Variants in KLF13 observed in about 807,000 individuals in gnomAD.
KLF13 encodes Krueppel-like factor 13.
A neutral mutation model predicts 16.7 loss-of-function variants in KLF13; 8 were observed. The observed-to-expected ratio is 0.48, with a 90% CI of 0.28 to 0.87. The LOEUF is 0.87. KLF13 is among the 40% of genes least tolerant of loss of function. The pLI is 0.10. For missense variants in KLF13, 447 were observed against 452.2 expected, an observed-to-expected ratio of 0.99 and a Z score of 0.10; for synonymous variants, 245 against 208.4, an observed-to-expected ratio of 1.18 and a Z score of -1.51.
In KLF13 at chr15:31,372,123, A is replaced by G; in HGVS notation, c.691A>G (p.Ile231Val). Residue 231 changes from isoleucine to valine, a missense_variant, in exon 2 of 2, where the codon ATC (isoleucine) becomes GTC (valine). Coordinates refer to ENST00000307145, the MANE Select transcript of KLF13 (RefSeq NM_015995.4). ...HTGEKKFSCP[I>V]CEKRFMRSDH... ...GGGCGAGAAGAAGTTCAGCTGCCCCATCTGCGAGAAGCGCTTCATGCGCAG... is the reference window on the plus strand; with the variant it reads ...GGGCGAGAAGAAGTTCAGCTGCCCCGTCTGCGAGAAGCGCTTCATGCGCAG... The G allele has an allele frequency of 6.2e-7, 1 of 1,613,082 alleles. No homozygotes were observed. The highest frequency in any genetic ancestry group is 1.6e-4 in the Middle Eastern group (1 of 6,062).
At chr15:31,334,746 C>G (rs1439075264) in intron 1 of KLF13, among the ~76,000 whole-genome samples, 1 of 151,884 alleles carries the variant, frequency 6.6e-6, no homozygotes, top group Non-Finnish European at 1.5e-5. Context: ...CCTTTCAAAG[C>G]CCCAAATGGG....
At chr15:31,364,340 C>T (rs2039431607) in intron 1 of KLF13, among the ~76,000 whole-genome samples, 1 of 152,382 alleles carries the variant, frequency 6.6e-6, no homozygotes, top group African/African-American at 2.4e-5. Context: ...TTGCCTCCGA[C>T]ACTGTGGCAG....
chr15:31,367,464 C>G (rs2039492196), intron 1 of KLF13, among the ~76,000 whole-genome samples: 1 of 152,174 alleles, frequency 6.6e-6, no homozygotes, highest in Non-Finnish European at 1.5e-5. Flanking sequence ...CCACCTTCCT[C>G]CACTCCAGGC....
upstream of KLF13, among the ~76,000 whole-genome samples, chr15:31,391,708 A>AG (rs1201210968): frequency 9.3e-6 from 1 of 107,470 alleles, no homozygotes; most frequent in Non-Finnish European, 2.0e-5. Flanking sequence ...GGGGCTCTGT[A>AG]GGGGGGCTGT....
intron 1 of KLF13, among the ~76,000 whole-genome samples, chr15:31,354,370 T>C (rs1413559077): frequency 6.6e-6 from 1 of 152,150 alleles, no homozygotes; most frequent in African/African-American, 2.4e-5. Flanking sequence ...CATATATTAA[T>C]AGTTTTGTAA....
intron 2 of KLF13, among the ~76,000 whole-genome samples, chr15:31,397,943 G>A (rs1595498224): frequency 2.6e-5 from 4 of 152,090 alleles, no homozygotes; most frequent in East Asian, 3.9e-4. Flanking sequence ...CAGCCTGAGG[G>A]CCTCTGGCAA....
intron 1 of KLF13, among the ~76,000 whole-genome samples, chr15:31,413,738 C>A (rs2040224160): frequency 6.6e-6 from 1 of 152,138 alleles, no homozygotes; most frequent in African/African-American, 2.4e-5. Context: ...AAAAAAAATT[C>A]TTCAGGTTGA....
chr15:31,349,525 A>C (rs2039183159), intron 1 of KLF13, among the ~76,000 whole-genome samples: 1 of 152,204 alleles, frequency 6.6e-6, no homozygotes, highest in Admixed American at 6.5e-5. Flanking sequence ...TCTGGGACCC[A>C]GTCTGCTCCA....
At chr15:31,383,406 GAAACAC>G (rs2039751978) in intron 1 of KLF13, among the ~76,000 whole-genome samples, 2 of 152,140 alleles carry the variant, frequency 1.3e-5, no homozygotes, top group South Asian at 4.1e-4. Context: ...GATTACAATG[GAAACAC>G]AAACTCTAAA....
chr15:31,337,531 A>G (rs553692823), intron 1 of KLF13, among the ~76,000 whole-genome samples: 2 of 152,254 alleles, frequency 1.3e-5, no homozygotes, highest in East Asian at 3.9e-4. Flanking sequence ...GTTGTTAGGC[A>G]GTTTCGTCCT....
upstream of KLF13, among the ~76,000 whole-genome samples, chr15:31,388,593 G>A (rs1471721168): frequency 2.2e-5 from 3 of 135,946 alleles, no homozygotes; most frequent in East Asian, 2.1e-4. Context: ...TGACAAGAGC[G>A]AAACTCTGTC....
At chr15:31,423,128 TATACGTATACGTATAC>T (rs2040355218) in intron 1 of KLF13, among the ~76,000 whole-genome samples, 1 of 112,042 alleles carries the variant, frequency 8.9e-6, no homozygotes, top group Admixed American at 9.3e-5. Context: ...TATACGTATA[TATACGTATACGTATAC>T]GTATATATAC....
intron 1 of KLF13, among the ~76,000 whole-genome samples, chr15:31,386,632 T>C (rs1026497708): frequency 6.6e-6 from 1 of 152,220 alleles, no homozygotes; most frequent in African/African-American, 2.4e-5. Context: ...TGAAGGTGGC[T>C]TTACTACACA....
intron 2 of KLF13, among the ~76,000 whole-genome samples, chr15:31,399,792 T>C (rs1406237917): frequency 2.6e-5 from 4 of 152,230 alleles, no homozygotes; most frequent in African/African-American, 4.8e-5. Context: ...TTTTTGTGCA[T>C]GTGCACACCT....
In KLF13 at chr15:31,329,816, G is replaced by A. The variant is rs370862432; in HGVS notation, c.577+2027G>A. Among the ~76,000 whole-genome samples, 39 of 152,320 alleles carry A rather than the reference G, an allele frequency of 2.6e-4. No homozygotes were observed. The East Asian group carries it at 6.9e-3, about 27-fold the overall frequency. Reference sequence around the variant, plus strand: ...AGACATCAGAAGTCCTACCTCCAGGGTGGAAGCCGGCCTCCAAGTTGGAAG... The same window carrying A: ...AGACATCAGAAGTCCTACCTCCAGGATGGAAGCCGGCCTCCAAGTTGGAAG... On this transcript the variant is annotated intron_variant, in intron 1 of 1. Coordinates refer to ENST00000307145, the MANE Select transcript of KLF13 (RefSeq NM_015995.4).
At chr15:31,358,881 C>T (rs554253076) in intron 1 of KLF13, among the ~76,000 whole-genome samples, 2 of 152,310 alleles carry the variant, frequency 1.3e-5, no homozygotes, top group South Asian at 2.1e-4. Context: ...CACACTGGCT[C>T]CTGAAGCCAG....
In KLF13 at chr15:31,327,710, G is replaced by T; in HGVS notation, c.498G>T (p.Lys166Asn). ...CCGACCTCGAGTCCCCGCAGAGGAAGCACAAGTGCCACTACGCGGGCTGCG... is the reference window on the plus strand; with the variant it reads ...CCGACCTCGAGTCCCCGCAGAGGAATCACAAGTGCCACTACGCGGGCTGCG... ...SRADLESPQR[K>N]HKCHYAGCEK... is the part of the protein sequence containing the mutation. Residue 166 changes from lysine to asparagine, a missense_variant, in exon 1 of 2, where the codon AAG becomes AAT. Transcript: ENST00000307145. 6.5e-7 allele frequency: 1 copy of T among 1,539,496 alleles called. No individual in the cohort carries two copies. The highest frequency in any genetic ancestry group is 1.4e-5 in the African/African-American group (1 of 69,718).
Position 31,327,578 on chromosome 15 carries a change from G to T in KLF13, c.366G>T (p.Trp122Cys), listed in dbSNP as rs2038737815. The T allele has an allele frequency of 2.5e-6, 3 of 1,196,990 alleles. No individual in the cohort carries two copies. In the South Asian group the frequency reaches 9.1e-5, roughly 36 times the overall value. The allele number at this position is 1,196,990 out of a possible 1,614,324, so 74.1% of individuals were successfully genotyped here. The change falls in exon 1 of 2, where the codon TGG becomes TGT. Residue 122 changes from tryptophan (W) to cysteine (C), a missense_variant. Around this residue, in one of 2 missense-constraint regions of KLF13, gnomAD observed 359 missense variants for 282.8 expected, o/e 1.27. Transcript: ENST00000307145. ...CGGCCGCGCCCCCCAGCCCGGCGTG[G>T]AGCGAGCCGGAGCCCGAGGCGGGGC... ...GAAAAPPSPA[W>C]SEPEPEAGLE...
chr15:31,434,800 A>AT (rs1309171989), intron 1 of KLF13, among the ~76,000 whole-genome samples: 3 of 152,114 alleles, frequency 2.0e-5, no homozygotes, highest in African/African-American at 7.2e-5. Flanking sequence ...CCCCCCGTCA[A>AT]TGCCGGCGCG....
Sources: allele counts gnomAD v4.1 joint callset (sites outside exome capture counted in the v4.1 genomes callset), GRCh38; gene constraint gnomAD v4.1.1; regional missense constraint gnomAD v4.1.1; transcripts MANE v1.5; gene names NCBI Gene and HGNC (gene_info 2026-07-23, HGNC 2026-07-21).